Variants in BBS9 observed in about 807,000 individuals in gnomAD.
The protein encoded by BBS9 is Bardet-Biedl syndrome 9.
BBS9 carries 89 observed loss-of-function variants against 117.7 expected under a neutral mutation model. The ratio of observed to expected loss-of-function variants is 0.76; its 90% CI spans 0.64 to 0.90. The LOEUF (loss-of-function observed/expected upper bound fraction) is 0.90. BBS9 is among the 40% of genes least tolerant of loss of function. The pLI is 0.00. For missense variants in BBS9, 982 were observed against 1,042.2 expected, an observed-to-expected ratio of 0.94 and a Z score of 0.80; for synonymous variants, 379 against 370.9, an observed-to-expected ratio of 1.02 and a Z score of -0.25.
At chr7:33,189,680 G>T (rs544285599) in intron 5 of BBS9, among the ~76,000 whole-genome samples, 1 of 151,828 alleles carries the variant, frequency 6.6e-6, no homozygotes, top group African/African-American at 2.4e-5. Flanking sequence ...GAGGTCAGGA[G>T]ATCAAGACCA....
rs184988461 is a variant in BBS9 at position 33,347,959 on chromosome 7, G to A, written c.1330-1109G>A. On this transcript the variant is annotated intron_variant, in intron 12 of 22. Coordinates refer to ENST00000242067, the MANE Select transcript of BBS9 (RefSeq NM_198428.3). The stretch of plus-strand genomic sequence containing the variant: ...TAATTTTTTTTCTCATGACATACGA[G>A]TCACCATGATAGAACATTTTAAAAT... Among the ~76,000 whole-genome samples the A allele has an allele frequency of 3.6e-3, 543 of 151,902 alleles. 6 individuals carry two copies. The highest frequency in any genetic ancestry group is 5.4e-3 in the South Asian group (26 of 4,808).
At chr7:33,402,323 AG>A (rs1202118084) in intron 19 of BBS9, among the ~76,000 whole-genome samples, 2 of 152,214 alleles carry the variant, frequency 1.3e-5, no homozygotes, top group Non-Finnish European at 2.9e-5. Flanking sequence ...ATGCTGGTCA[AG>A]CTACCCTATC....
chr7:33,314,660 A>G (rs73313140), intron 9 of BBS9: 18,322 of 152,354 alleles, frequency 0.12, 1,338 homozygotes, highest in South Asian at 0.2. Context: ...CTTCATAAAG[A>G]GTGGATATTT....
chr7:33,382,501 G>T (rs1159763904), intron 17 of BBS9, among the ~76,000 whole-genome samples: 1 of 151,572 alleles, frequency 6.6e-6, no homozygotes, highest in Non-Finnish European at 1.5e-5. Flanking sequence ...TTTAAAGGGA[G>T]CAAATGTAAT....
chr7:33,612,278 TCAA>T (rs1193917529), intron 21 of BBS9, among the ~76,000 whole-genome samples: 2 of 151,962 alleles, frequency 1.3e-5, no homozygotes, highest in Non-Finnish European at 2.9e-5. Context: ...AAAAAAGCAA[TCAA>T]CAAGTATTTC....
At chr7:33,529,658 G>A (rs1473228861) in intron 20 of BBS9, among the ~76,000 whole-genome samples, 16 of 96,320 alleles carry the variant, frequency 1.7e-4, no homozygotes, top group South Asian at 8.0e-4. Context: ...CTCCCCCACC[G>A]CTGTTGTTTT....
chr7:33,604,308 C>T (rs1563437627), intron 21 of BBS9, among the ~76,000 whole-genome samples: 1 of 152,170 alleles, frequency 6.6e-6, no homozygotes, highest in East Asian at 1.9e-4. Context: ...TTGAAATCTT[C>T]CACAATGCAG....
chr7:33,407,414 G>A (rs531612950), intron 19 of BBS9, among the ~76,000 whole-genome samples: 56 of 152,310 alleles, frequency 3.7e-4, no homozygotes, highest in African/African-American at 1.3e-3. Flanking sequence ...TTGATCGTCT[G>A]AAGCCTTCTT....
chr7:33,442,721 T>G (rs550629889), intron 19 of BBS9, among the ~76,000 whole-genome samples: 1 of 152,308 alleles, frequency 6.6e-6, no homozygotes, highest in Admixed American at 6.5e-5. Flanking sequence ...GGATTATTGT[T>G]CCTCAAAGAA....
intron 9 of BBS9, among the ~76,000 whole-genome samples, chr7:33,307,848 GAT>G (rs1447532427): frequency 6.6e-6 from 1 of 151,466 alleles, no homozygotes. Flanking sequence ...ATAGAGGGCT[GAT>G]GGTATTTGTT....
intron 19 of BBS9, among the ~76,000 whole-genome samples, chr7:33,395,358 A>C (rs1242254889): frequency 3.3e-5 from 5 of 152,198 alleles, no homozygotes; most frequent in African/African-American, 1.2e-4. Flanking sequence ...TAACATTTTC[A>C]CATAAATTTG....
At chr7:33,294,529 T>C (rs768060021) in intron 9 of BBS9, among the ~76,000 whole-genome samples, 88 of 152,292 alleles carry the variant, frequency 5.8e-4, no homozygotes, top group Non-Finnish European at 9.0e-4. Context: ...GCATTATTAA[T>C]AGGCAGCATC....
At chr7:33,294,302 T>TATCC (rs1021573720) in intron 9 of BBS9, among the ~76,000 whole-genome samples, 1 of 53,436 alleles carries the variant, frequency 1.9e-5, no homozygotes, top group Non-Finnish European at 3.9e-5. Context: ...TCTATCTATC[T>TATCC]ATCTATCTAT....
chr7:33,179,088 A>G (rs1220024844), intron 5 of BBS9, among the ~76,000 whole-genome samples: 1 of 152,106 alleles, frequency 6.6e-6, no homozygotes, highest in Non-Finnish European at 1.5e-5. Context: ...AAAATGTCTG[A>G]CCTGATTAGG....
intron 5 of BBS9, among the ~76,000 whole-genome samples, chr7:33,216,689 G>A (rs1179841581): frequency 2.6e-5 from 4 of 152,186 alleles, no homozygotes; most frequent in South Asian, 4.1e-4. Context: ...ATTTGATGCT[G>A]TAAATACTTG....
At chr7:33,292,920 C>T (rs1037423871) in intron 9 of BBS9, among the ~76,000 whole-genome samples, 6 of 151,530 alleles carry the variant, frequency 4.0e-5, no homozygotes, top group Non-Finnish European at 5.9e-5. Context: ...GCAGGAGAAT[C>T]GCTTGAACCT....
At chr7:33,621,928 G>A (rs1865423433) in intron 21 of BBS9, among the ~76,000 whole-genome samples, 1 of 152,174 alleles carries the variant, frequency 6.6e-6, no homozygotes, top group Admixed American at 6.5e-5. Flanking sequence ...TACTACAATG[G>A]GCTGGGCGCA....
chr7:33,552,048 C>T (rs142249800), intron 21 of BBS9, among the ~76,000 whole-genome samples: 60 of 152,064 alleles, frequency 3.9e-4, no homozygotes, highest in Non-Finnish European at 6.8e-4. Flanking sequence ...AGAAGTGTTC[C>T]TAAAAAATAA....
At chr7:33,228,007 T>G (rs1791624119) in intron 5 of BBS9, among the ~76,000 whole-genome samples, 1 of 152,194 alleles carries the variant, frequency 6.6e-6, no homozygotes, top group Admixed American at 6.5e-5. Flanking sequence ...GTGGCATTAC[T>G]GGATTGAATG....
Sources: gnomAD v4.1 joint callset for allele counts (sites outside exome capture counted in the v4.1 genomes callset) on GRCh38, gnomAD v4.1.1 for gene constraint, MANE v1.5 for transcripts, NCBI Gene and HGNC (gene_info 2026-07-23, HGNC 2026-07-21) for gene names.